Variants in MED24 observed in about 807,000 individuals in gnomAD.
MED24 encodes the protein mediator complex subunit 24.
Under a neutral mutation model 118.8 loss-of-function variants are expected in MED24, and 74 were observed. That is an observed-to-expected ratio of 0.62 (90% CI 0.52 to 0.76). The LOEUF (loss-of-function observed/expected upper bound fraction) is 0.76. Ranked by LOEUF, MED24 falls within the 30% of genes least tolerant of loss-of-function variation. The pLI is 0.00. For synonymous variants in MED24, 521 were observed against 523.9 expected (o/e 0.99, Z 0.08); for missense variants, 1,041 against 1,278.9 (o/e 0.81, Z 2.84).
chr17:40,028,969 C>G lies in MED24; in HGVS notation c.1267-1G>C. 6.2e-7 allele frequency: 1 copy of G among 1,614,228 alleles called. No individual in the cohort carries two copies. On this transcript the variant is annotated splice_acceptor_variant, in intron 13 of 25. Coordinates refer to ENST00000394128, the MANE Select transcript of MED24 (RefSeq NM_014815.4). LOFTEE classifies it high-confidence loss of function. Reference sequence around the variant, plus strand: ...ACTTAGAGTGGTCTGCATCCATCGTCTGGGGACAGGACAGGAAATCAAGTC... The same window carrying G: ...ACTTAGAGTGGTCTGCATCCATCGTGTGGGGACAGGACAGGAAATCAAGTC...
intron 12 of MED24, 62 bp downstream of exon 12, chr17:40,031,097 C>T: frequency 6.7e-7 from 1 of 1,483,836 alleles, no homozygotes; most frequent in Non-Finnish European, 9.2e-7. Context: ...ACGCAGCAGC[C>T]CCACCGTAAC....
At chr17:40,023,459 G>A in intron 19 of MED24, 64 bp from the exon 20 acceptor site, 1 of 1,433,960 alleles carries the variant, frequency 7.0e-7, no homozygotes, top group Non-Finnish European at 9.4e-7. Flanking sequence ...GGAGAGGAGG[G>A]AACACCCATG....
chr17:40,054,318 C>T, intron 1 of MED24, 43 bp downstream of exon 1: 1 of 152,924 alleles, frequency 6.5e-6, no homozygotes, highest in Non-Finnish European at 1.5e-5. Context: ...ACTATACCTC[C>T]CAATTTCCTT....
At chr17:40,035,630 A>C in intron 5 of MED24, 92 bp downstream of exon 5, 1 of 1,384,086 alleles carries the variant, frequency 7.2e-7, no homozygotes. Flanking sequence ...TGGAACCCGG[A>C]GTTGGTCTCG....
intron 3 of MED24, among the ~76,000 whole-genome samples, chr17:40,042,008 G>T (rs1167477318): frequency 3.3e-5 from 5 of 152,158 alleles, no homozygotes; most frequent in Non-Finnish European, 4.4e-5. Flanking sequence ...GAATAGTGAT[G>T]AGAGAGACCA....
chr17:40,019,175 A>AACACACACACAC lies in MED24; in HGVS notation c.*342_*353dup, dbSNP rs59767650. On this transcript the variant is annotated 3_prime_UTR_variant, in exon 26 of 26. Coordinates refer to ENST00000394128, the MANE Select transcript of MED24 (RefSeq NM_014815.4). ...CCTCACATATTACAAAATACACACAAACACACACACACACACACACACACA... is the reference window on the plus strand; with the variant it reads ...CCTCACATATTACAAAATACACACAAACACACACACACACACACACACACACACACACACACA... 1.1e-4 allele frequency: 17 copies of AACACACACACAC among 148,578 alleles called. No individual in the cohort carries two copies. Among genetic ancestry groups the AACACACACACAC allele is most frequent in the Admixed American group, 5.3e-4 (7 of 13,284 alleles). 9.2% of individuals were successfully genotyped at this position (148,578 alleles called of 1,614,324 possible).
In MED24 at chr17:40,032,673, C is replaced by G. The variant is rs370485631; in HGVS notation, c.912G>C (p.Lys304Asn). The G allele has an allele frequency of 4.3e-6, 7 of 1,613,724 alleles. No homozygotes were observed. The highest frequency in any genetic ancestry group is 5.1e-6 in the Non-Finnish European group (6 of 1,179,892). Residue 304 changes from lysine to asparagine, a missense_variant, in exon 9 of 26, where the codon AAG becomes AAC. By Grantham distance (94) the Lys-to-Asn change is moderately conservative. Coordinates refer to ENST00000394128, the MANE Select transcript of MED24 (RefSeq NM_014815.4). ...IESPEGTEEL[K>N]WTAFTFLKIP... ...CCTTGAGGAAAGTGAAAGCTGTCCA[C>G]TTGAGCTCCTCCGTACCCTCGGGAG...
At chr17:40,031,742 G>T in intron 10 of MED24, 122 bp from the exon 11 acceptor site, 1 of 933,476 alleles carries the variant, frequency 1.1e-6, no homozygotes. Flanking sequence ...CTGGAGCCTG[G>T]GTGTATGTTG....
intron 3 of MED24, among the ~76,000 whole-genome samples, chr17:40,051,382 G>A (rs113191237): frequency 4.6e-5 from 7 of 151,992 alleles, no homozygotes; most frequent in South Asian, 2.1e-4. Context: ...TTGGGAGGCC[G>A]AGGCGGAAGG....
intron 24 of MED24, 38 bp downstream of exon 24, chr17:40,020,235 C>T (rs1981798737): frequency 6.8e-7 from 1 of 1,477,078 alleles, no homozygotes; most frequent in South Asian, 1.4e-5. Context: ...ACTCGTCCAG[C>T]TTAGCCCCAG....
chr17:40,038,979 G>A (rs532420378), intron 3 of MED24, among the ~76,000 whole-genome samples: 55 of 152,226 alleles, frequency 3.6e-4, no homozygotes, highest in Middle Eastern at 3.4e-3. Context: ...ATAACGTTCC[G>A]GCGAGCGTTT....
intron 3 of MED24, among the ~76,000 whole-genome samples, chr17:40,043,965 C>A (rs1194703730): frequency 1.3e-5 from 2 of 149,424 alleles, no homozygotes; most frequent in Non-Finnish European, 3.0e-5. Context: ...CCTGTCTCTA[C>A]TAAAAATACA....
chr17:40,032,065 T>C lies in MED24; in HGVS notation c.962A>G (p.Lys321Arg), dbSNP rs1983450699. 6.2e-7 allele frequency: 1 copy of C among 1,613,872 alleles called. No homozygotes were observed. The highest frequency in any genetic ancestry group is 2.2e-5 in the East Asian group (1 of 44,882). ...LKIPQVLVKLKKYSHGDKDFT... is the reference protein window; with the variant it reads ...LKIPQVLVKLRKYSHGDKDFT... ...CACCTTGTCTCCATGAGAGTACTTCTTCAACTTCACCAAAACCTGTGGAAT... is the reference window on the plus strand; with the variant it reads ...CACCTTGTCTCCATGAGAGTACTTCCTCAACTTCACCAAAACCTGTGGAAT... Residue 321 changes from lysine to arginine, a missense_variant, in exon 10 of 26, where the codon AAG (lysine) becomes AGG (arginine). Coordinates refer to ENST00000394128, the MANE Select transcript of MED24 (RefSeq NM_014815.4).
intron 23 of MED24, 27 bp downstream of exon 23, chr17:40,021,928 C>T (rs200611553): frequency 8.1e-6 from 12 of 1,487,980 alleles, no homozygotes; most frequent in South Asian, 2.5e-5. Flanking sequence ...GGAAAAGGAG[C>T]GGCGCGCGGC....
intron 15 of MED24, chr17:40,027,692 G>T (rs1330490909): frequency 1.5e-6 from 1 of 667,668 alleles, no homozygotes; most frequent in Non-Finnish European, 2.6e-6. Flanking sequence ...AGTCGTAAAG[G>T]GATGAGGGGG....
intron 3 of MED24, among the ~76,000 whole-genome samples, chr17:40,047,162 T>G (rs1194019717): frequency 6.6e-6 from 1 of 151,278 alleles, no homozygotes; most frequent in Non-Finnish European, 1.5e-5. Context: ...ACAACATAAA[T>G]AATAAATCTC....
intron 23 of MED24, chr17:40,020,718 G>A (rs542282397): frequency 5.9e-5 from 21 of 353,726 alleles, no homozygotes; most frequent in South Asian, 4.5e-4. Context: ...GGAGAACAAG[G>A]CTGCAGTGAG....
chr17:40,051,419 T>C lies in MED24; in HGVS notation c.213+1879A>G, dbSNP rs149788022. Among the ~76,000 whole-genome samples the C allele has an allele frequency of 1.5e-4, 22 of 150,068 alleles. No individual in the cohort carries two copies. The East Asian group carries it at 4.4e-3, about 30-fold the overall frequency. ...TCACGAGGTCAAGAGATCAAGACCATACTGGCCAACATGGTGAAACCCCAT... is the reference window on the plus strand; with the variant it reads ...TCACGAGGTCAAGAGATCAAGACCACACTGGCCAACATGGTGAAACCCCAT... On this transcript the variant is annotated intron_variant, in intron 3 of 25. Coordinates refer to ENST00000394128, the MANE Select transcript of MED24 (RefSeq NM_014815.4).
chr17:40,019,501 A>G lies in MED24; in HGVS notation c.*28T>C. On this transcript the variant is annotated 3_prime_UTR_variant, in exon 26 of 26. Transcript: ENST00000394128. ...GGCGCCTGGGGCTGCGCCAGTCCCC[A>G]GCCCCCACTGCGGCCATGCCAAGCC... is the stretch of plus-strand genomic sequence containing the variant. 1 of 1,594,890 alleles carries G rather than the reference A, an allele frequency of 6.3e-7. No individual in the cohort carries two copies. Among genetic ancestry groups the G allele is most frequent in the Non-Finnish European group, 8.6e-7 (1 of 1,165,688 alleles).
Sources: allele counts gnomAD v4.1 joint callset (sites outside exome capture counted in the v4.1 genomes callset), GRCh38; gene constraint gnomAD v4.1.1; transcripts MANE v1.5; gene names NCBI Gene and HGNC (gene_info 2026-07-23, HGNC 2026-07-21).